Variants in SDCBP observed in about 807,000 individuals in gnomAD.
SDCBP encodes the protein syndecan binding protein.
A neutral mutation model predicts 30.5 loss-of-function variants in SDCBP; 22 were observed. The ratio of observed to expected loss-of-function variants is 0.72; its 90% CI spans 0.52 to 1.03. SDCBP has a LOEUF of 1.03. Among genes scored for constraint, SDCBP ranks in the 50% least tolerant of loss-of-function variants. The pLI is 0.00. For synonymous variants in SDCBP, 103 were observed against 118.7 expected (o/e 0.87, Z 0.86); for missense variants, 304 against 369.9 (o/e 0.82, Z 1.46).
rs375215978 is a variant in SDCBP at position 58,570,923 on chromosome 8, G to T, written c.88G>T (p.Ala30Ser). Residue 30 changes from alanine to serine, a missense_variant, in exon 3 of 9, where the codon GCA (alanine) becomes TCA (serine). Coordinates refer to ENST00000260130, the MANE Select transcript of SDCBP (RefSeq NM_005625.4). Reference sequence around the variant, plus strand: ...TTTTTCTGCAAACCCTGCCAATCCAGCAATTTTGTCAGAAGCTTCTGCTCC... The same window carrying T: ...TTTTTCTGCAAACCCTGCCAATCCATCAATTTTGTCAGAAGCTTCTGCTCC... ...TAFSANPANPAILSEASAPIP... is the reference protein window; with the variant it reads ...TAFSANPANPSILSEASAPIP... 1.9e-6 allele frequency: 3 copies of T among 1,613,332 alleles called. No individual in the cohort carries two copies. Among genetic ancestry groups the T allele is most frequent in the Non-Finnish European group, 2.5e-6 (3 of 1,179,556 alleles).
chr8:58,577,145 A>G (rs1457081940), intron 5 of SDCBP, among the ~76,000 whole-genome samples: 2 of 152,250 alleles, frequency 1.3e-5, no homozygotes, highest in African/African-American at 2.4e-5. Context: ...TGTAGGTAAT[A>G]GTTGCAGTGG....
chr8:58,561,904 T>G, intron 1 of SDCBP: 1 of 577,008 alleles, frequency 1.7e-6, no homozygotes, highest in Non-Finnish European at 3.1e-6. Context: ...ATTTGTAGCA[T>G]CAGTAATGCA....
At chr8:58,580,482 CTG>C (rs762020661) in intron 7 of SDCBP, 33 bp from the exon 8 acceptor site, 1 of 1,021,872 alleles carries the variant, frequency 9.8e-7, no homozygotes, top group Non-Finnish European at 1.6e-6. Flanking sequence ...AATAAAGCCT[CTG>C]TGGAATTAAT....
chr8:58,562,302 A>C (rs1804482744), intron 1 of SDCBP, among the ~76,000 whole-genome samples: 1 of 152,024 alleles, frequency 6.6e-6, no homozygotes, highest in Non-Finnish European at 1.5e-5. Context: ...CTCACTTCAG[A>C]TTTAAGGATA....
At chr8:58,570,480 T>C (rs1438804029) in intron 2 of SDCBP, among the ~76,000 whole-genome samples, 1 of 151,028 alleles carries the variant, frequency 6.6e-6, no homozygotes, top group African/African-American at 2.4e-5. Flanking sequence ...GATATGTGAC[T>C]TTTATATGAA....
rs1237556096 is a variant in SDCBP, at chr8:58,572,278, A to C, written c.204A>C (p.Ala68=). ...GLSLNEEEIR[A]NVAVVSGAPL... is the part of the protein sequence containing the mutation. ...GTTTAAATGAAGAAGAAATACGTGCAAATGTGGCCGTGGTTTCTGGTGCAC... is the reference window on the plus strand; with the variant it reads ...GTTTAAATGAAGAAGAAATACGTGCCAATGTGGCCGTGGTTTCTGGTGCAC... Residue 68 remains alanine, a synonymous_variant, in exon 4 of 9, where the codon GCA becomes GCC. Coordinates refer to ENST00000260130, the MANE Select transcript of SDCBP (RefSeq NM_005625.4). 2.5e-6 allele frequency: 4 copies of C among 1,612,512 alleles called. No homozygotes were observed. The Admixed American group carries it at 6.7e-5, about 27-fold the overall frequency.
At chr8:58,558,628 C>T (rs9297997) in intron 1 of SDCBP, among the ~76,000 whole-genome samples, 58,211 of 149,180 alleles carry the variant, frequency 0.39, 11,943 homozygotes, top group African/African-American at 0.55. Context: ...TGTAAATAAA[C>T]TAAATTGAGT....
chr8:58,568,415 A>T (rs942157216), intron 2 of SDCBP, among the ~76,000 whole-genome samples: 1 of 152,184 alleles, frequency 6.6e-6, no homozygotes. Flanking sequence ...CAATGGTAAT[A>T]GTGCCTTCTG....
chr8:58,578,396 C>T, intron 6 of SDCBP, 188 bp downstream of exon 6: 1 of 441,130 alleles, frequency 2.3e-6, no homozygotes, highest in East Asian at 3.7e-5. Flanking sequence ...TGATACGATA[C>T]CTTATTTCAG....
At chr8:58,575,548 C>T (rs900554834) in intron 4 of SDCBP, among the ~76,000 whole-genome samples, 10 of 152,104 alleles carry the variant, frequency 6.6e-5, no homozygotes, top group East Asian at 1.9e-4. Context: ...TGTCAAAGAT[C>T]GTGACATCAT....
chr8:58,568,000 AG>A (rs1407532375), intron 2 of SDCBP, among the ~76,000 whole-genome samples: 7 of 152,218 alleles, frequency 4.6e-5, no homozygotes, highest in African/African-American at 1.7e-4. Flanking sequence ...TGTGAGGCCT[AG>A]GACATTATTG....
chr8:58,574,024 T>C (rs1473244684), intron 4 of SDCBP, among the ~76,000 whole-genome samples: 1 of 152,200 alleles, frequency 6.6e-6, no homozygotes, highest in Non-Finnish European at 1.5e-5. Context: ...CTTTATCACA[T>C]ATTCTTATTG....
chr8:58,577,682 C>G (rs17264577), intron 5 of SDCBP, among the ~76,000 whole-genome samples: 2,566 of 152,282 alleles, frequency 0.017, 32 homozygotes, highest in African/African-American at 0.035. Context: ...TTCTATCAGA[C>G]TCAGACGCTT....
At chr8:58,557,989 A>G (rs1267289873) in intron 1 of SDCBP, among the ~76,000 whole-genome samples, 3 of 152,188 alleles carry the variant, frequency 2.0e-5, no homozygotes, top group Non-Finnish European at 4.4e-5. Context: ...TTCCAGCCAC[A>G]ATTAGAAGGA....
intron 4 of SDCBP, among the ~76,000 whole-genome samples, chr8:58,574,745 T>A (rs944521322): frequency 2.0e-5 from 3 of 152,122 alleles, no homozygotes; most frequent in African/African-American, 7.3e-5. Flanking sequence ...TATATTCAAC[T>A]GTATATATCA....
At chr8:58,560,083 TTTAGA>T (rs1359465126) in intron 1 of SDCBP, among the ~76,000 whole-genome samples, 4 of 151,926 alleles carry the variant, frequency 2.6e-5, no homozygotes, top group African/African-American at 4.8e-5. Context: ...AAGTTGACAG[TTTAGA>T]TTAGCAGGCA....
intron 4 of SDCBP, among the ~76,000 whole-genome samples, chr8:58,574,801 A>C (rs1422613669): frequency 1.3e-5 from 2 of 152,206 alleles, no homozygotes. Context: ...CACATTGTGA[A>C]ATGATTACCA....
intron 1 of SDCBP, chr8:58,561,071 T>C (rs72647437): frequency 0.24 from 36,641 of 152,120 alleles, 5,119 homozygotes; most frequent in Non-Finnish European, 0.31. Context: ...AGATGCAATA[T>C]GCTTCTTTGA....
At chr8:58,555,010 A>G (rs1804018778) in intron 1 of SDCBP, among the ~76,000 whole-genome samples, 1 of 152,212 alleles carries the variant, frequency 6.6e-6, no homozygotes, top group African/African-American at 2.4e-5. Context: ...ATATCTACAC[A>G]GGCAAACATA....
Sources: gnomAD v4.1 joint callset for allele counts (sites outside exome capture counted in the v4.1 genomes callset) on GRCh38, gnomAD v4.1.1 for gene constraint, MANE v1.5 for transcripts, NCBI Gene and HGNC (gene_info 2026-07-23, HGNC 2026-07-21) for gene names.